ANKS1A: variants seen among roughly 807,000 people sequenced by gnomAD.
The protein encoded by ANKS1A is ankyrin repeat and SAM domain-containing protein 1A.
ANKS1A carries 55 observed loss-of-function variants against 120.3 expected under a neutral mutation model. The observed-to-expected ratio is 0.46, with a 90% CI of 0.37 to 0.57. The LOEUF (loss-of-function observed/expected upper bound fraction) is 0.57, where lower values mean the gene tolerates loss of function less well. Ranked by LOEUF, ANKS1A falls within the 20% of genes least tolerant of loss-of-function variation. ANKS1A has a pLI of 0.00. For missense variants in ANKS1A, 1,123 were observed against 1,480.3 expected, an observed-to-expected ratio of 0.76 and a Z score of 3.96; for synonymous variants, 590 against 604.7, an observed-to-expected ratio of 0.98 and a Z score of 0.36.
At chr6:34,970,200 C>A in intron 3 of ANKS1A, 34 bp downstream of exon 3, 1 of 1,585,594 alleles carries the variant, frequency 6.3e-7, no homozygotes, top group South Asian at 1.1e-5. Flanking sequence ...TTCCTCCATT[C>A]AGCTATAGCC....
rs186196256 is a variant in ANKS1A, at chr6:35,067,837, T to A, written c.2184+7584T>A. Among the ~76,000 whole-genome samples the A allele has an allele frequency of 4.5e-3, 677 of 151,110 alleles. 7 individuals are homozygous for A. Among genetic ancestry groups the A allele is most frequent in the Middle Eastern group, 0.024 (7 of 290 alleles). ...AGTGGCCTTATGTTTCCCCCTGAGG[T>A]GATAGACTTATGGGTAGCTTTTACA... On this transcript the variant is annotated intron_variant, in intron 13 of 23. Coordinates refer to ENST00000360359, the MANE Select transcript of ANKS1A (RefSeq NM_015245.3).
chr6:35,080,143 G>A (rs1187464034), intron 16 of ANKS1A, among the ~76,000 whole-genome samples: 1 of 152,130 alleles, frequency 6.6e-6, no homozygotes, highest in Admixed American at 6.5e-5. Context: ...TTGGGGGATA[G>A]TAGGAAAACA....
At chr6:34,963,739 G>A (rs764096828) in intron 1 of ANKS1A, among the ~76,000 whole-genome samples, 2 of 152,310 alleles carry the variant, frequency 1.3e-5, no homozygotes, top group South Asian at 2.1e-4. Flanking sequence ...TTTACCAACA[G>A]TGTGCAAGGT....
intron 11 of ANKS1A, among the ~76,000 whole-genome samples, chr6:35,038,054 G>A (rs1439888738): frequency 6.6e-6 from 1 of 152,122 alleles, no homozygotes; most frequent in Non-Finnish European, 1.5e-5. Flanking sequence ...GAGGGGAAAA[G>A]GAAAGCAGAG....
chr6:35,094,437 C>T (rs1778398496), downstream of ANKS1A, among the ~76,000 whole-genome samples: 1 of 133,910 alleles, frequency 7.5e-6, no homozygotes, highest in African/African-American at 3.0e-5. Context: ...GAGACTTCGT[C>T]TGGAAAAAAA....
chr6:35,049,501 T>G (rs562542879), intron 11 of ANKS1A, among the ~76,000 whole-genome samples: 2 of 152,126 alleles, frequency 1.3e-5, no homozygotes, highest in Admixed American at 1.3e-4. Flanking sequence ...TCTGGGCCAA[T>G]AAGGTCATCA....
In ANKS1A at chr6:34,981,909, C is replaced by T. The variant is rs1369266260; in HGVS notation, c.655C>T (p.Leu219=). The T allele has an allele frequency of 1.2e-6, 2 of 1,614,220 alleles. No homozygotes were observed. The highest frequency in any genetic ancestry group is 1.7e-6 in the Non-Finnish European group (2 of 1,180,036). ...LSCNTKKHTP[L]HLAARNGHKA... The stretch of plus-strand genomic sequence containing the variant: ...CTGCAACACTAAGAAGCACACCCCT[C>T]TGCACTTGGCAGCAAGGAATGGCCA... Residue 219 remains leucine (L), a synonymous_variant, in exon 4 of 24, where the codon CTG becomes TTG. Transcript: ENST00000360359.
At chr6:35,096,945 CAT>C in the ANKS1A span, among the ~76,000 whole-genome samples, 2 of 151,568 alleles carry the variant, frequency 1.3e-5, no homozygotes, top group African/African-American at 4.8e-5. Flanking sequence ...ACAATGTTAA[CAT>C]ATGGATCCTT....
At position 34,981,800 on chromosome 6, in the gene ANKS1A, C is replaced by T. The variant is rs367899662; in HGVS notation, c.546C>T (p.Phe182=). 1.7e-5 allele frequency: 28 copies of T among 1,614,032 alleles called. No individual in the cohort carries two copies. Among genetic ancestry groups the T allele is most frequent in the Admixed American group, 1.3e-4 (8 of 60,002 alleles). Residue 182 remains phenylalanine, a synonymous_variant, in exon 4 of 24, where the codon TTC becomes TTT. Coordinates refer to ENST00000360359, the MANE Select transcript of ANKS1A (RefSeq NM_015245.3). ...LTDPTMRNNK[F]ETPLDLAALY... ...ACCCCACCATGCGCAACAACAAATT[C>T]GAGACCCCTTTGGACCTGGCAGCAC...
rs137883475 is a variant in ANKS1A, at chr6:35,087,151, C to T, written c.3401+102C>T. ...TCTGCTGTCCTCAACTCTCTCCTTC[C>T]AGCTGCTGATGCCAAGGCCCCACCT... On this transcript the variant is annotated intron_variant, in intron 23 of 23. Transcript: ENST00000360359. 25 of 1,239,422 alleles carry T rather than the reference C, an allele frequency of 2.0e-5. 1 individual carries two copies. The Admixed American group carries it at 3.6e-4, about 18-fold the overall frequency. The allele number at this position is 1,239,422 out of a possible 1,614,324, so 76.8% of individuals were successfully genotyped here.
chr6:34,938,719 G>A lies in ANKS1A; in HGVS notation c.198-28520G>A, dbSNP rs542004974. Reference sequence around the variant, plus strand: ...AACAAGTATTTCTGGGCCGGGCATGGTGGCTCACGCCTGTAATCCCAGCAC... The same window carrying A: ...AACAAGTATTTCTGGGCCGGGCATGATGGCTCACGCCTGTAATCCCAGCAC... On this transcript the variant is annotated intron_variant, in intron 1 of 23. Transcript: ENST00000360359. Among the ~76,000 whole-genome samples, 34 of 152,338 alleles carry A rather than the reference G, an allele frequency of 2.2e-4. No homozygotes were observed. In the South Asian group the frequency reaches 7.0e-3, roughly 32 times the overall value.
intron 1 of ANKS1A, among the ~76,000 whole-genome samples, chr6:34,965,445 A>G (rs1770846342): frequency 6.6e-6 from 1 of 151,642 alleles, no homozygotes; most frequent in Non-Finnish European, 1.5e-5. Flanking sequence ...TTCGCATTCC[A>G]GGTTCAAGCA....
intron 11 of ANKS1A, among the ~76,000 whole-genome samples, chr6:35,021,887 G>T (rs1774360903): frequency 6.6e-6 from 1 of 151,946 alleles, no homozygotes; most frequent in Admixed American, 6.6e-5. Flanking sequence ...TCAGCAGGCT[G>T]AGGCAAGAGA....
At chr6:34,941,758 G>A (rs1019627549) in intron 1 of ANKS1A, among the ~76,000 whole-genome samples, 6 of 152,134 alleles carry the variant, frequency 3.9e-5, no homozygotes, top group East Asian at 1.9e-4. Context: ...ATTGACAGCC[G>A]TTCATTCTTT....
At chr6:34,960,864 A>G (rs1279506628) in intron 1 of ANKS1A, among the ~76,000 whole-genome samples, 1 of 152,248 alleles carries the variant, frequency 6.6e-6, no homozygotes, top group Non-Finnish European at 1.5e-5. Flanking sequence ...GGTAGACTTT[A>G]CAAATGCAGA....
At chr6:35,005,253 A>G (rs566509524) in intron 10 of ANKS1A, among the ~76,000 whole-genome samples, 168 of 152,284 alleles carry the variant, frequency 1.1e-3, no homozygotes, top group African/African-American at 3.6e-3. Flanking sequence ...CCTTCCCAAC[A>G]TGGTGTATTA....
intron 1 of ANKS1A, among the ~76,000 whole-genome samples, chr6:34,901,265 C>T (rs1441955491): frequency 6.6e-6 from 1 of 151,594 alleles, no homozygotes; most frequent in African/African-American, 2.4e-5. Flanking sequence ...TGATTAACAA[C>T]CAAAATTTGC....
chr6:34,899,298 G>A (rs922627156), intron 1 of ANKS1A, among the ~76,000 whole-genome samples: 1 of 152,084 alleles, frequency 6.6e-6, no homozygotes, highest in Non-Finnish European at 1.5e-5. Context: ...GTTTAGAAGA[G>A]GGCCATTAAT....
intron 10 of ANKS1A, among the ~76,000 whole-genome samples, chr6:34,995,802 T>C (rs891620606): frequency 2.0e-5 from 3 of 152,220 alleles, no homozygotes; most frequent in African/African-American, 7.2e-5. Context: ...ATCCCTTCTC[T>C]AGCTGAGGGA....
Sources: allele counts gnomAD v4.1 joint callset (sites outside exome capture counted in the v4.1 genomes callset), GRCh38; gene constraint gnomAD v4.1.1; transcripts MANE v1.5; gene names NCBI Gene and HGNC (gene_info 2026-07-23, HGNC 2026-07-21).